Variants in MED27 observed in about 807,000 individuals in gnomAD.
MED27 encodes mediator complex subunit 27.
MED27 carries 30 observed loss-of-function variants against 38.2 expected under a neutral mutation model. The ratio of observed to expected loss-of-function variants is 0.79; its 90% CI spans 0.59 to 1.07. The LOEUF is 1.07. MED27 is among the 50% of genes least tolerant of loss of function. MED27 has a pLI of 0.00. For synonymous variants in MED27, 122 were observed against 153.5 expected, an observed-to-expected ratio of 0.79 and a Z score of 1.52; for missense variants, 289 against 397.5, an observed-to-expected ratio of 0.73 and a Z score of 2.32.
At chr9:132,066,520 G>A (rs950182297) in intron 2 of MED27, among the ~76,000 whole-genome samples, 1 of 152,220 alleles carries the variant, frequency 6.6e-6, no homozygotes, top group Non-Finnish European at 1.5e-5. Context: ...AGTGTGATGT[G>A]AGGGTCTTAG....
At position 131,982,487 on chromosome 9, in the gene MED27, T is replaced by C. The variant is rs1283711373; in HGVS notation, c.479+31850A>G. On this transcript the variant is annotated intron_variant, in intron 3 of 7. Coordinates refer to ENST00000292035, the MANE Select transcript of MED27 (RefSeq NM_004269.4). This position sits in a 1 kb window ranked among gnomAD's most constrained non-coding sequence, Gnocchi z 4.3. ...AGTAAATAAAATGTTTTGTTGTAAG[T>C]AGCCAAGTTTTGTCATGGTTTGCTA... 6.6e-6 allele frequency among the ~76,000 whole-genome samples: 1 copy of C among 152,226 alleles called. No homozygotes were observed. Among genetic ancestry groups the C allele is most frequent in the African/African-American group, 2.4e-5 (1 of 41,438 alleles).
intron 2 of MED27, among the ~76,000 whole-genome samples, chr9:132,066,946 T>C (rs1186897272): frequency 6.6e-6 from 1 of 152,204 alleles, no homozygotes; most frequent in African/African-American, 2.4e-5. Context: ...CTCCTGCCTC[T>C]CAGTGCTCCT....
At chr9:132,070,940 T>G (rs1295615807) in intron 2 of MED27, among the ~76,000 whole-genome samples, 5 of 152,114 alleles carry the variant, frequency 3.3e-5, no homozygotes, top group Admixed American at 3.3e-4. Context: ...ATCTCCAATG[T>G]GAAGAACTTC....
chr9:131,898,919 T>G (rs372794573), intron 4 of MED27, among the ~76,000 whole-genome samples: 11 of 152,238 alleles, frequency 7.2e-5, no homozygotes, highest in African/African-American at 2.7e-4. Flanking sequence ...TACCCAGTTT[T>G]GAAGCCTAAC....
In MED27 at chr9:131,885,999, A is replaced by AT. The variant is rs577459368; in HGVS notation, c.682-1901dup. On this transcript the variant is annotated intron_variant, in intron 5 of 7. Coordinates refer to ENST00000292035, the MANE Select transcript of MED27 (RefSeq NM_004269.4). Reference sequence around the variant, plus strand: ...GCGGTTTAGGCCTGTGTGGTGTGTGATTGATTTTGGAACACCAGAAAGCAT... The same window carrying AT: ...GCGGTTTAGGCCTGTGTGGTGTGTGATTTGATTTTGGAACACCAGAAAGCAT... 1.8e-3 allele frequency among the ~76,000 whole-genome samples: 275 copies of AT among 152,266 alleles called. 1 individual carries two copies. The highest frequency in any genetic ancestry group is 2.9e-3 in the Non-Finnish European group (196 of 68,018).
chr9:131,985,631 A>C (rs1831832907), intron 3 of MED27, among the ~76,000 whole-genome samples: 1 of 152,170 alleles, frequency 6.6e-6, no homozygotes, highest in Non-Finnish European at 1.5e-5. Context: ...TATAGTACAG[A>C]GTGCTTGATA....
At chr9:132,072,703 T>C (rs1833968591) in intron 2 of MED27, among the ~76,000 whole-genome samples, 1 of 152,130 alleles carries the variant, frequency 6.6e-6, no homozygotes. Flanking sequence ...AGAACACCTT[T>C]GCCAATAAAA....
At chr9:131,895,685 G>A (rs1284341750) in intron 4 of MED27, among the ~76,000 whole-genome samples, 1 of 152,168 alleles carries the variant, frequency 6.6e-6, no homozygotes, top group Non-Finnish European at 1.5e-5. Flanking sequence ...TCCTATTTCT[G>A]TATAACACTT....
At chr9:132,007,740 C>T (rs544482473) in intron 3 of MED27, among the ~76,000 whole-genome samples, 66 of 151,756 alleles carry the variant, frequency 4.3e-4, no homozygotes, top group African/African-American at 1.4e-3. Context: ...TGGTGTAGGA[C>T]GGAAAAAGGA....
At chr9:132,056,714 G>A (rs1833585842) in intron 2 of MED27, among the ~76,000 whole-genome samples, 1 of 152,142 alleles carries the variant, frequency 6.6e-6, no homozygotes, top group East Asian at 1.9e-4. Flanking sequence ...CACCGTGACA[G>A]AGGGCTCACA....
At chr9:131,928,395 A>G (rs998496924) in intron 4 of MED27, among the ~76,000 whole-genome samples, 1 of 152,182 alleles carries the variant, frequency 6.6e-6, no homozygotes, top group African/African-American at 2.4e-5. Context: ...GCACCATAAT[A>G]AGAATGAAAA....
rs1262689050 is a variant in MED27, at chr9:131,965,090, A to C, written c.480-25616T>G. Among the ~76,000 whole-genome samples, 13 of 152,234 alleles carry C rather than the reference A, an allele frequency of 8.5e-5. 1 individual carries two copies. The highest frequency in any genetic ancestry group is 7.2e-4 in the Admixed American group (11 of 15,282). On this transcript the variant is annotated intron_variant, in intron 3 of 7. Transcript: ENST00000292035. ...GAAGGTGAAAAAGTTCAGATCCCTT[A>C]ATCTTTTCTTCTGAAAATAAATTAT...
chr9:131,971,100 G>A (rs1001853215), intron 3 of MED27, among the ~76,000 whole-genome samples: 1 of 152,202 alleles, frequency 6.6e-6, no homozygotes, highest in Non-Finnish European at 1.5e-5. Context: ...AAGCAAAAAA[G>A]AAAGAAACAA....
Position 131,867,851 on chromosome 9 carries a change from G to A in MED27, c.724-4711C>T, listed in dbSNP as rs1838762766. Among the ~76,000 whole-genome samples, 3 of 152,218 alleles carry A rather than the reference G, an allele frequency of 2.0e-5. No individual in the cohort carries two copies. The South Asian group carries it at 6.2e-4, about 32-fold the overall frequency. ...CTCATCTAGGAGCTCGGGGAGGGGT[G>A]GAGCGTTGGCACTGCCAGCTGACTC... On this transcript the variant is annotated intron_variant, in intron 6 of 7. Transcript: ENST00000292035.
intron 2 of MED27, among the ~76,000 whole-genome samples, chr9:132,049,761 T>G (rs567120022): frequency 6.6e-6 from 1 of 152,248 alleles, no homozygotes; most frequent in South Asian, 2.1e-4. Context: ...ACCAACTGTC[T>G]GCGAGACTGG....
intron 4 of MED27, among the ~76,000 whole-genome samples, chr9:131,915,891 C>T (rs902575526): frequency 6.6e-6 from 1 of 152,122 alleles, no homozygotes; most frequent in African/African-American, 2.4e-5. Flanking sequence ...AGAGCCTGCC[C>T]GCTAATTACA....
chr9:132,071,642 G>A (rs780391002), intron 2 of MED27, among the ~76,000 whole-genome samples: 53 of 150,932 alleles, frequency 3.5e-4, no homozygotes, highest in Non-Finnish European at 8.8e-5. Context: ...CCTCATGAAC[G>A]AACACACGCA....
intron 3 of MED27, among the ~76,000 whole-genome samples, chr9:132,008,519 A>C (rs761726641): frequency 5.9e-5 from 9 of 152,236 alleles, no homozygotes; most frequent in Non-Finnish European, 7.3e-5. Context: ...ATCATGAACA[A>C]GATCTTTATC....
intron 3 of MED27, among the ~76,000 whole-genome samples, chr9:132,004,809 T>C (rs906907867): frequency 5.3e-5 from 8 of 152,212 alleles, no homozygotes; most frequent in Non-Finnish European, 7.3e-5. Flanking sequence ...GAAAGGATGT[T>C]TTGAGCCTCA....
Sources: allele counts gnomAD v4.1 joint callset (sites outside exome capture counted in the v4.1 genomes callset), GRCh38; gene constraint gnomAD v4.1.1; non-coding constraint Gnocchi (gnomAD v3.1); transcripts MANE v1.5; gene names NCBI Gene and HGNC (gene_info 2026-07-23, HGNC 2026-07-21).